Variants in RPS6KB2 observed in about 807,000 individuals in gnomAD.
The protein encoded by RPS6KB2 is ribosomal protein S6 kinase beta-2.
RPS6KB2 carries 51 observed loss-of-function variants against 58.2 expected under a neutral mutation model. The ratio of observed to expected loss-of-function variants is 0.88; its 90% CI spans 0.70 to 1.11. The LOEUF (loss-of-function observed/expected upper bound fraction) is 1.11, where lower values mean the gene tolerates loss of function less well. Ranked by LOEUF, RPS6KB2 falls within the 50% of genes least tolerant of loss-of-function variation. The pLI is 0.00. For synonymous variants in RPS6KB2, 293 were observed against 258.6 expected, an observed-to-expected ratio of 1.13 and a Z score of -1.28; for missense variants, 671 against 655.8, an observed-to-expected ratio of 1.02 and a Z score of -0.25.
chr11:67,432,854 G>C lies in RPS6KB2; in HGVS notation c.616+17G>C. On this transcript the variant is annotated intron_variant, in intron 7 of 14. Transcript: ENST00000312629. ...GCAGCCAGGGTGCGCATGTGTGTGCGGGCAGCTGCAGGCGGGGTCTGCAAT... is the reference window on the plus strand; with the variant it reads ...GCAGCCAGGGTGCGCATGTGTGTGCCGGCAGCTGCAGGCGGGGTCTGCAAT... The C allele has an allele frequency of 1.2e-6, 2 of 1,611,916 alleles. No individual in the cohort carries two copies. Among genetic ancestry groups the C allele is most frequent in the Admixed American group, 1.7e-5 (1 of 60,028 alleles).
Position 67,432,654 on chromosome 11 carries a change from C to A in RPS6KB2, c.512C>A (p.Ala171Asp). ...GAGGGCATCTTCCTGGAAGATACGG[C>A]CTGGTGGGTGTTAATCCTCCGCTTT... ...EREGIFLEDT[A>D]CFYLAEITLA... The change falls in exon 6 of 15, where the codon GCC (alanine) becomes GAC (aspartate). Residue 171 changes from alanine to aspartate, a missense_variant. Transcript: ENST00000312629. 1 of 1,614,134 alleles carries A rather than the reference C, an allele frequency of 6.2e-7. No homozygotes were observed.
chr11:67,434,030 T>TG lies in RPS6KB2; in HGVS notation c.944dup (p.Gly317ArgfsTer5). On this transcript the variant is annotated frameshift_variant, in exon 11 of 15. Transcript: ENST00000312629. LOFTEE classifies it high-confidence loss of function. ...GGAATCCCAGCCAGCGGATTGGGGG[T>TG]GGCCCAGGGGATGCTGCTGATGTGC... 1.9e-6 allele frequency: 3 copies of TG among 1,613,950 alleles called. No individual in the cohort carries two copies. Among genetic ancestry groups the TG allele is most frequent in the Non-Finnish European group, 2.5e-6 (3 of 1,179,984 alleles).
Position 67,434,267 on chromosome 11 carries a change from C to T in RPS6KB2, c.1039C>T (p.Pro347Ser), listed in dbSNP as rs201429751. 394 of 1,613,404 alleles carry T rather than the reference C, an allele frequency of 2.4e-4. No homozygotes were observed. The highest frequency in any genetic ancestry group is 3.2e-4 in the Non-Finnish European group (378 of 1,180,012). The change falls in exon 12 of 15, where the codon CCC becomes TCC. Residue 347 changes from proline (P) to serine (S), a missense_variant. Pro to Ser is a moderately conservative substitution (Grantham distance 74). Transcript: ENST00000312629. The stretch of plus-strand genomic sequence containing the variant: ...CTGGCGTGTGGACCCCCCTTTCAGG[C>T]CCTGTCTGGTGAGCAGCAGGGCTGG... The part of the protein sequence containing the change: ...LAWRVDPPFR[P>S]CLQSEEDVSQ...
At chr11:67,434,122 G>A in intron 11 of RPS6KB2, 65 bp downstream of exon 11, 1 of 1,610,614 alleles carries the variant, frequency 6.2e-7, no homozygotes, top group Non-Finnish European at 8.5e-7. Context: ...TGGGGGCAGG[G>A]CCCCAGGGCA....
At position 67,432,998 on chromosome 11, in the gene RPS6KB2, T is replaced by C; in HGVS notation, c.663T>C (p.His221=). The part of the protein sequence containing the change: ...TDFGLCKESI[H]EGAVTHTFCG... ...TTGGACTCTGCAAGGAGTCTATCCA[T>C]GAGGGCGCCGTCACTCACACCTTCT... Residue 221 remains histidine, a synonymous_variant, in exon 8 of 15, where the codon CAT becomes CAC. Transcript: ENST00000312629. The C allele has an allele frequency of 1.9e-6, 3 of 1,613,458 alleles. No homozygotes were observed. The highest frequency in any genetic ancestry group is 1.7e-6 in the Non-Finnish European group (2 of 1,180,022).
chr11:67,432,559 C>T (rs780354226), intron 5 of RPS6KB2, 41 bp from the exon 6 acceptor site: 1 of 1,611,042 alleles, frequency 6.2e-7, no homozygotes, highest in South Asian at 1.1e-5. Flanking sequence ...CACAAAGGGG[C>T]TTGGACCCAG....
rs577172628 is a variant in RPS6KB2, at chr11:67,434,408, C to A, written c.1079C>A (p.Thr360Asn). Reference protein sequence around the residue: ...QSEEDVSQFDTRFTRQTPVDS... With the variant: ...QSEEDVSQFDNRFTRQTPVDS... Reference sequence around the variant, plus strand: ...GAGGAGGACGTGAGCCAGTTTGATACCCGCTTCACACGGCAGACGCCGGTG... The same window carrying A: ...GAGGAGGACGTGAGCCAGTTTGATAACCGCTTCACACGGCAGACGCCGGTG... The change falls in exon 13 of 15, where the codon ACC (threonine) becomes AAC (asparagine). Residue 360 changes from threonine to asparagine, a missense_variant. Coordinates refer to ENST00000312629, the MANE Select transcript of RPS6KB2 (RefSeq NM_003952.3). 7 of 1,613,260 alleles carry A rather than the reference C, an allele frequency of 4.3e-6. No homozygotes were observed. The highest frequency in any genetic ancestry group is 3.3e-5 in the Admixed American group (2 of 60,026).
chr11:67,434,435 A>G lies in RPS6KB2; in HGVS notation c.1106A>G (p.Asp369Gly), dbSNP rs1274037954. The G allele has an allele frequency of 6.2e-7, 1 of 1,613,050 alleles. No individual in the cohort carries two copies. Among genetic ancestry groups the G allele is most frequent in the Admixed American group, 1.7e-5 (1 of 60,024 alleles). The change falls in exon 13 of 15, where the codon GAC (aspartate) becomes GGC (glycine). Residue 369 changes from aspartate to glycine, a missense_variant. By Grantham distance (94) the Asp-to-Gly change is moderately conservative. Coordinates refer to ENST00000312629, the MANE Select transcript of RPS6KB2 (RefSeq NM_003952.3). ...DTRFTRQTPV[D>G]SPDDTALSES... ...CGCTTCACACGGCAGACGCCGGTGG[A>G]CAGTCCTGATGACACAGCCCTCAGC... is the stretch of plus-strand genomic sequence containing the variant.
intron 3 of RPS6KB2, 81 bp from the exon 4 acceptor site, chr11:67,429,446 C>A: frequency 6.8e-7 from 1 of 1,474,192 alleles, no homozygotes; most frequent in South Asian, 1.2e-5. Context: ...CCTCCTGATC[C>A]CAAAGCCAGA....
chr11:67,433,319 C>T (rs771859291), intron 9 of RPS6KB2, 21 bp from the exon 10 acceptor site: 6 of 1,610,708 alleles, frequency 3.7e-6, no homozygotes, highest in Non-Finnish European at 4.2e-6. Flanking sequence ...CAAGGCTCCT[C>T]TCACCTTCCT....
At position 67,432,626 on chromosome 11, in the gene RPS6KB2, C is replaced by G; in HGVS notation, c.484C>G (p.Arg162Gly). ...SGGELFTHLE[R>G]EGIFLEDTAC... The stretch of plus-strand genomic sequence containing the variant: ...TGGCGAGCTCTTCACGCATCTGGAG[C>G]GAGAGGGCATCTTCCTGGAAGATAC... The change falls in exon 6 of 15, where the codon CGA (arginine) becomes GGA (glycine). Residue 162 changes from arginine (R) to glycine (G), a missense_variant. By Grantham distance (125) the Arg-to-Gly change is moderately radical. Transcript: ENST00000312629. 6.2e-7 allele frequency: 1 copy of G among 1,614,172 alleles called. No homozygotes were observed. The highest frequency in any genetic ancestry group is 8.5e-7 in the Non-Finnish European group (1 of 1,180,032).
At chr11:67,434,311 G>T (rs113279948) in intron 12 of RPS6KB2, 36 bp downstream of exon 12, 11 of 1,611,118 alleles carry the variant, frequency 6.8e-6, no homozygotes, top group Non-Finnish European at 9.3e-6. Context: ...GGCCGGTGGC[G>T]GGTGGCAAGT....
rs769183714 is a variant in RPS6KB2, at chr11:67,428,505, G to T, written c.-41G>T. 4 of 1,565,414 alleles carry T rather than the reference G, an allele frequency of 2.6e-6. No homozygotes were observed. Among genetic ancestry groups the T allele is most frequent in the South Asian group, 2.3e-5 (2 of 88,124 alleles). Reference sequence around the variant, plus strand: ...GGTCCGGGACTGTCAGTCAGTGCGCGGCCAGGTACGGGCCGACGGGCCCGC... The same window carrying T: ...GGTCCGGGACTGTCAGTCAGTGCGCTGCCAGGTACGGGCCGACGGGCCCGC... On this transcript the variant is annotated 5_prime_UTR_variant, in exon 1 of 15. Coordinates refer to ENST00000312629, the MANE Select transcript of RPS6KB2 (RefSeq NM_003952.3).
Position 67,434,217 on chromosome 11 carries a change from A to C in RPS6KB2, c.989A>C (p.His330Pro), listed in dbSNP as rs868744066. The C allele has an allele frequency of 2.5e-6, 4 of 1,614,008 alleles. No homozygotes were observed. The African/African-American group carries it at 5.3e-5, about 22-fold the overall frequency. Residue 330 changes from histidine to proline, a missense_variant, in exon 12 of 15, where the codon CAC (histidine) becomes CCC (proline). Transcript: ENST00000312629. ...ADVQRHPFFRHMNWDDLLAWR... is the reference protein window; with the variant it reads ...ADVQRHPFFRPMNWDDLLAWR... ...CTACAGAGACATCCCTTTTTCCGGC[A>C]CATGAATTGGGACGACCTTCTGGCC... is the stretch of plus-strand genomic sequence containing the variant.
In RPS6KB2 at chr11:67,434,465, G is replaced by A. The variant is rs1325203087; in HGVS notation, c.1136G>A (p.Ser379Asn). 3 of 1,612,382 alleles carry A rather than the reference G, an allele frequency of 1.9e-6. No homozygotes were observed. The highest frequency in any genetic ancestry group is 2.5e-6 in the Non-Finnish European group (3 of 1,179,898). Reference protein sequence around the residue: ...DSPDDTALSESANQAFLGFTY... With the variant: ...DSPDDTALSENANQAFLGFTY... ...CCTGATGACACAGCCCTCAGCGAGA[G>A]TGCCAACCAGGCCTTCCTGGTGAGT... Residue 379 changes from serine to asparagine, a missense_variant, in exon 13 of 15, where the codon AGT (serine) becomes AAT (asparagine). Coordinates refer to ENST00000312629, the MANE Select transcript of RPS6KB2 (RefSeq NM_003952.3).
chr11:67,429,378 C>G, intron 3 of RPS6KB2, 138 bp downstream of exon 3: 1 of 1,388,190 alleles, frequency 7.2e-7, no homozygotes, highest in African/African-American at 1.4e-5. Context: ...GAGGGAAGGC[C>G]AAATCCTCTC....
chr11:67,429,506 C>T (rs1352804769), intron 3 of RPS6KB2, 21 bp from the exon 4 acceptor site: 2 of 1,608,486 alleles, frequency 1.2e-6, no homozygotes, highest in African/African-American at 2.7e-5. Flanking sequence ...GGAAGTTGAT[C>T]CTGTCTCCCC....
At position 67,432,720 on chromosome 11, in the gene RPS6KB2, C is replaced by T. The variant is rs1316750443; in HGVS notation, c.516-17C>T. 1 of 1,613,896 alleles carries T rather than the reference C, an allele frequency of 6.2e-7. No homozygotes were observed. Among genetic ancestry groups the T allele is most frequent in the African/African-American group, 1.3e-5 (1 of 74,918 alleles). On this transcript the variant is annotated splice_polypyrimidine_tract_variant and intron_variant, in intron 6 of 14. Transcript: ENST00000312629. ...TCCCTGCTCTACTCCCGCCTTCACC[C>T]TGTCTTGTTTCTGCAGCTTCTACCT...
chr11:67,434,481 C>G lies in RPS6KB2; in HGVS notation c.1152C>G (p.Phe384Leu), dbSNP rs1419856910. 1.9e-6 allele frequency: 3 copies of G among 1,611,324 alleles called. No individual in the cohort carries two copies. The highest frequency in any genetic ancestry group is 1.7e-5 in the Admixed American group (1 of 60,000). Reference protein sequence around the residue: ...TALSESANQAFLGFTYVAPSV... With the variant: ...TALSESANQALLGFTYVAPSV... ...TCAGCGAGAGTGCCAACCAGGCCTT[C>G]CTGGTGAGTGCGGGGGCCTGAGGCC... is the stretch of plus-strand genomic sequence containing the variant. Residue 384 changes from phenylalanine (F) to leucine (L), a missense_variant, in exon 13 of 15, where the codon TTC (phenylalanine) becomes TTG (leucine). Physicochemically the swap from Phe to Leu is conservative, Grantham distance 22. Transcript: ENST00000312629.
Sources: gnomAD v4.1 joint callset for allele counts on GRCh38, gnomAD v4.1.1 for gene constraint, MANE v1.5 for transcripts, NCBI Gene and HGNC (gene_info 2026-07-23, HGNC 2026-07-21) for gene names.